Variants in SHOC1 observed in about 807,000 individuals in gnomAD.
SHOC1 encodes shortage in chiasmata 1.
In SHOC1, 136 loss-of-function variants were observed where a neutral mutation model predicts 179.2. The ratio of observed to expected loss-of-function variants is 0.76; its 90% confidence interval spans 0.66 to 0.87. The LOEUF (loss-of-function observed/expected upper bound fraction) is 0.87. Ranked by LOEUF, SHOC1 falls within the 40% of genes least tolerant of loss-of-function variation. The pLI is 0.00. For synonymous variants in SHOC1, 489 were observed against 586.6 expected, an observed-to-expected ratio of 0.83 and a Z score of 2.41; for missense variants, 1,538 against 1,700.8, an observed-to-expected ratio of 0.90 and a Z score of 1.68.
At chr9:111,760,222 A>G (rs2131575837) in intron 5 of SHOC1, among the ~76,000 whole-genome samples, 2 of 152,254 alleles carry the variant, frequency 1.3e-5, no homozygotes, top group Middle Eastern at 3.4e-3. Context: ...CTTGTTTTCC[A>G]TCCACCCTTT....
chr9:111,726,553 A>C (rs1246349976), intron 13 of SHOC1, among the ~76,000 whole-genome samples: 2 of 152,172 alleles, frequency 1.3e-5, no homozygotes, highest in Non-Finnish European at 1.5e-5. Context: ...GTGAGCCACC[A>C]TGCCCAGCCC....
At position 111,713,100 on chromosome 9, in the gene SHOC1, C is replaced by T. The variant is rs1410035731; in HGVS notation, c.2488G>A (p.Gly830Ser). 3 of 1,548,022 alleles carry T rather than the reference C, an allele frequency of 1.9e-6. No homozygotes were observed. The highest frequency in any genetic ancestry group is 2.7e-6 in the Non-Finnish European group (3 of 1,125,444). Residue 830 changes from glycine to serine, a missense_variant and splice_region_variant, in exon 18 of 28, where the codon GGT becomes AGT. Physicochemically the swap from Gly to Ser is moderately conservative, Grantham distance 56. Transcript: ENST00000682961. ...FLIKILNKIE[G>S]LTLTVLHSNE... ...TGAAGCATAATTTAAAACTGCCTAC[C>T]TTCTATTTTGTTAAGAATTTTAATG...
chr9:111,705,975 T>G (rs1385342526), intron 20 of SHOC1, among the ~76,000 whole-genome samples: 2 of 152,098 alleles, frequency 1.3e-5, no homozygotes, highest in East Asian at 1.9e-4. Context: ...AGAATCTATT[T>G]AGACTTCCCA....
At chr9:111,793,244 A>G (rs1274619073) in intron 1 of SHOC1, among the ~76,000 whole-genome samples, 1 of 152,192 alleles carries the variant, frequency 6.6e-6, no homozygotes, top group Non-Finnish European at 1.5e-5. Flanking sequence ...TTGCACTTTC[A>G]GAAAAAACTG....
intron 12 of SHOC1, among the ~76,000 whole-genome samples, chr9:111,732,699 G>A (rs1833634578): frequency 1.3e-5 from 2 of 151,994 alleles, no homozygotes; most frequent in African/African-American, 4.8e-5. Flanking sequence ...TAGGATAGGG[G>A]AAACATATAA....
chr9:111,702,083 G>C, intron 23 of SHOC1, 22 bp downstream of exon 23: 1 of 1,440,186 alleles, frequency 6.9e-7, no homozygotes, highest in Non-Finnish European at 9.5e-7. Context: ...ACATAACTTT[G>C]GATGAAGAAA....
At chr9:111,711,318 C>T (rs1347376810) in intron 18 of SHOC1, among the ~76,000 whole-genome samples, 1 of 152,098 alleles carries the variant, frequency 6.6e-6, no homozygotes, top group Non-Finnish European at 1.5e-5. Context: ...GAAGCCCAAC[C>T]TTTCTTAATT....
intron 5 of SHOC1, among the ~76,000 whole-genome samples, chr9:111,769,237 T>C (rs1835472760): frequency 6.6e-6 from 1 of 152,174 alleles, no homozygotes; most frequent in African/African-American, 2.4e-5. Flanking sequence ...TGTGTCCTTG[T>C]CTGGTTTTGG....
intron 12 of SHOC1, among the ~76,000 whole-genome samples, chr9:111,733,880 C>T: frequency 6.6e-6 from 1 of 151,738 alleles, no homozygotes; most frequent in Admixed American, 6.6e-5. Flanking sequence ...AAGTTGTTAA[C>T]TAATTAAAAC....
intron 22 of SHOC1, among the ~76,000 whole-genome samples, chr9:111,703,309 C>T (rs1025821691): frequency 1.1e-4 from 17 of 152,062 alleles, no homozygotes; most frequent in South Asian, 4.2e-4. Context: ...ATCATCAAAC[C>T]TGGTTTCTGC....
At chr9:111,756,856 G>A (rs1188329132) in intron 7 of SHOC1, among the ~76,000 whole-genome samples, 1 of 152,144 alleles carries the variant, frequency 6.6e-6, no homozygotes, top group African/African-American at 2.4e-5. Flanking sequence ...GAATGGAATA[G>A]ATCTTTACTG....
rs754471949 is a variant in SHOC1, at chr9:111,693,881, C to T, written c.3383G>A (p.Gly1128Glu). 2.5e-6 allele frequency: 4 copies of T among 1,611,204 alleles called. No individual in the cohort carries two copies. The South Asian group carries it at 4.4e-5, about 18-fold the overall frequency. Residue 1128 changes from glycine (G) to glutamate (E), a missense_variant, in exon 26 of 28, where the codon GGA becomes GAA. Coordinates refer to ENST00000682961, the MANE Select transcript of SHOC1 (RefSeq NM_001378211.1). ...TAATAATATCCAATGCAGTGAAGGT[C>T]CTTTATTTAGCATGAGCTGAGCCAC... is the stretch of plus-strand genomic sequence containing the variant. ...PLVAQLMLNK[G>E]PSLHWILLAT...
At chr9:111,792,767 G>T (rs1263917929) in intron 1 of SHOC1, among the ~76,000 whole-genome samples, 1 of 152,090 alleles carries the variant, frequency 6.6e-6, no homozygotes, top group Non-Finnish European at 1.5e-5. Context: ...ATATAGTGTG[G>T]CCACCCTCTT....
At chr9:111,753,206 T>G (rs1440032352) in intron 8 of SHOC1, among the ~76,000 whole-genome samples, 1 of 152,230 alleles carries the variant, frequency 6.6e-6, no homozygotes, top group Admixed American at 6.5e-5. Context: ...GCTTGCTCAG[T>G]TGCCTTCAAT....
At chr9:111,734,548 A>G (rs576680481) in intron 12 of SHOC1, among the ~76,000 whole-genome samples, 1 of 152,274 alleles carries the variant, frequency 6.6e-6, no homozygotes. Context: ...CTTTCTAAAA[A>G]ATTTATTTTA....
chr9:111,734,132 T>A (rs549983867), intron 12 of SHOC1, among the ~76,000 whole-genome samples: 109 of 152,338 alleles, frequency 7.2e-4, no homozygotes, highest in African/African-American at 2.5e-3. Flanking sequence ...TTAATTATAC[T>A]GTTAAACATT....
At chr9:111,689,197 G>A (rs1257363981) in intron 27 of SHOC1, among the ~76,000 whole-genome samples, 1 of 151,664 alleles carries the variant, frequency 6.6e-6, no homozygotes, top group Non-Finnish European at 1.5e-5. Flanking sequence ...ACCAGACTGG[G>A]CAACATGGCA....
chr9:111,723,662 G>A, intron 14 of SHOC1, 130 bp downstream of exon 14: 1 of 917,104 alleles, frequency 1.1e-6, no homozygotes, highest in African/African-American at 1.7e-5. Flanking sequence ...CTTGAAAGTA[G>A]GAGTGGAATG....
intron 2 of SHOC1, among the ~76,000 whole-genome samples, chr9:111,790,053 C>G (rs188982088): frequency 1.3e-5 from 2 of 152,232 alleles, no homozygotes; most frequent in Admixed American, 1.3e-4. Context: ...TGTTGCATGA[C>G]AATTGTTCTA....
Sources: allele counts gnomAD v4.1 joint callset (sites outside exome capture counted in the v4.1 genomes callset), GRCh38; gene constraint gnomAD v4.1.1; transcripts MANE v1.5; gene names NCBI Gene and HGNC (gene_info 2026-07-23, HGNC 2026-07-21).